Variants in CCND3 observed in about 807,000 individuals in gnomAD.
CCND3 encodes the protein cyclin D3.
A neutral mutation model predicts 28.7 loss-of-function variants in CCND3; 9 were observed. The ratio of observed to expected loss-of-function variants is 0.31; its 90% confidence interval spans 0.19 to 0.55. CCND3 has a LOEUF of 0.55. Among genes scored for constraint, CCND3 ranks in the 20% least tolerant of loss-of-function variants. The pLI is 0.93. For synonymous variants in CCND3, 164 were observed against 163.9 expected (o/e 1.00, Z 0.00); for missense variants, 315 against 385.8 (o/e 0.82, Z 1.54).
intron 1 of CCND3, among the ~76,000 whole-genome samples, chr6:42,023,291 A>T (rs1214756148): frequency 2.0e-5 from 3 of 152,180 alleles, no homozygotes; most frequent in Non-Finnish European, 4.4e-5. Flanking sequence ...CCTAGGGCTG[A>T]CGTGCTGGCG....
At chr6:41,947,890 C>T (rs989257045) in intron 1 of CCND3, among the ~76,000 whole-genome samples, 1 of 152,140 alleles carries the variant, frequency 6.6e-6, no homozygotes, top group African/African-American at 2.4e-5. Flanking sequence ...AGAGGCTCCC[C>T]ATTTCATTTG....
Position 41,935,624 on chromosome 6 carries a change from G to C in CCND3, c.*316C>G, listed in dbSNP as rs1043512985. ...CATGAGAGCCCCCAGGGGTGGGGGG[G>C]GGCGTTCAAAAGGAATGCTGGTGTA... On this transcript the variant is annotated 3_prime_UTR_variant, in exon 5 of 5. Coordinates refer to ENST00000372991, the MANE Select transcript of CCND3 (RefSeq NM_001760.5). 1.3e-4 allele frequency: 61 copies of C among 469,916 alleles called. No individual in the cohort carries two copies. Among genetic ancestry groups the C allele is most frequent in the African/African-American group, 5.8e-5 (3 of 51,616 alleles). 29.1% of individuals were successfully genotyped at this position (469,916 alleles called of 1,614,324 possible).
At chr6:41,964,687 G>A (rs962851428) in intron 1 of CCND3, among the ~76,000 whole-genome samples, 2 of 152,284 alleles carry the variant, frequency 1.3e-5, no homozygotes, top group African/African-American at 4.8e-5. Context: ...GTGCATGACA[G>A]CAGGGTGGCA....
intron 1 of CCND3, among the ~76,000 whole-genome samples, chr6:42,015,672 T>C (rs932113176): frequency 3.3e-5 from 5 of 151,704 alleles, no homozygotes; most frequent in African/African-American, 4.8e-5. Flanking sequence ...ATCACGCCAC[T>C]GCACTCCGGC....
At chr6:42,000,236 T>G (rs1762954862) in intron 1 of CCND3, among the ~76,000 whole-genome samples, 1 of 60,588 alleles carries the variant, frequency 1.7e-5, no homozygotes, top group Non-Finnish European at 3.3e-5. Context: ...AAAACATACT[T>G]TTTTTTTTTT....
In CCND3 at chr6:41,941,090, G is replaced by C; in HGVS notation, c.198+362C>G. 6.5e-7 allele frequency: 1 copy of C among 1,549,036 alleles called. No individual in the cohort carries two copies. The highest frequency in any genetic ancestry group is 2.3e-5 in the East Asian group (1 of 44,212). ...GACACAGGAACCGGCTCCCGGGCGG[G>C]GGCGGCCGAGCCCAGGGTTTTCCAG... On this transcript the variant is annotated intron_variant, in intron 1 of 4. Transcript: ENST00000372991. This position sits in a 1 kb window ranked among gnomAD's most constrained non-coding sequence, Gnocchi z 6.1.
chr6:42,001,370 A>C lies in CCND3; in HGVS notation c.-46+47131T>G, dbSNP rs554663063. 2.0e-5 allele frequency among the ~76,000 whole-genome samples: 3 copies of C among 152,324 alleles called. No homozygotes were observed. The East Asian group carries it at 5.8e-4, about 29-fold the overall frequency. ...AACATCCCAAATGTCTATCAACAAG[A>C]GAATGGATAAACAAATAGTGCATAT... On this transcript the variant is annotated intron_variant, in intron 1 of 4. Transcript: ENST00000372988.
At chr6:42,010,681 G>A (rs1440316445) in intron 1 of CCND3, among the ~76,000 whole-genome samples, 1 of 152,100 alleles carries the variant, frequency 6.6e-6, no homozygotes, top group African/African-American at 2.4e-5. Flanking sequence ...CTGCGGGGTG[G>A]AGCAACTGTC....
chr6:42,048,078 T>C lies in CCND3; in HGVS notation c.-46+423A>G, dbSNP rs1764598480. ...GACACAGAAGAAGCTAAGATCATCA[T>C]CTATGTATCAATCAGACACCACTGA... On this transcript the variant is annotated intron_variant, in intron 1 of 4. Coordinates refer to the CCND3 transcript ENST00000372988. This position sits in a 1 kb window ranked among gnomAD's most constrained non-coding sequence, Gnocchi z 4.7. The C allele has an allele frequency of 6.3e-6, 1 of 158,456 alleles. No individual in the cohort carries two copies. The highest frequency in any genetic ancestry group is 1.4e-5 in the Non-Finnish European group (1 of 71,956). The allele number at this position is 158,456 out of a possible 1,614,324, so 9.8% of individuals were successfully genotyped here.
At chr6:42,049,158 C>A (rs1240231801), upstream of CCND3, among the ~76,000 whole-genome samples, 3 of 152,232 alleles carry the variant, frequency 2.0e-5, no homozygotes, top group Non-Finnish European at 4.4e-5. Flanking sequence ...GCCTCAGCCT[C>A]CCGAGTAGCT....
chr6:42,035,145 A>G (rs1432271400), intron 1 of CCND3, among the ~76,000 whole-genome samples: 19 of 152,220 alleles, frequency 1.2e-4, no homozygotes, highest in Admixed American at 1.2e-3. Context: ...TTCCTGGAGC[A>G]CAGGGCCTAT....
At chr6:42,044,341 C>T (rs1764464673) in intron 1 of CCND3, among the ~76,000 whole-genome samples, 1 of 152,044 alleles carries the variant, frequency 6.6e-6, no homozygotes, top group Non-Finnish European at 1.5e-5. Flanking sequence ...CCCGGCAACA[C>T]TCTTCATTCA....
At chr6:42,037,698 A>G (rs1305857565) in intron 1 of CCND3, among the ~76,000 whole-genome samples, 4 of 152,090 alleles carry the variant, frequency 2.6e-5, no homozygotes, top group Admixed American at 1.3e-4. Flanking sequence ...ATTCCAGGGA[A>G]TGCCATGTCG....
At chr6:41,952,654 G>A (rs1776342242) in intron 1 of CCND3, among the ~76,000 whole-genome samples, 2 of 152,212 alleles carry the variant, frequency 1.3e-5, no homozygotes, top group Non-Finnish European at 2.9e-5. Context: ...TGAGGCTGGT[G>A]CACTCTCGAA....
chr6:42,016,581 TACTA>T (rs572704214), intron 1 of CCND3, among the ~76,000 whole-genome samples: 2 of 40,890 alleles, frequency 4.9e-5, no homozygotes, highest in Non-Finnish European at 1.5e-4. Flanking sequence ...TAGCTGCTAT[TACTA>T]TCTATTACTT....
In CCND3 at chr6:41,941,056, C is replaced by A. The variant is rs566969933; in HGVS notation, c.198+396G>T. 9.4e-6 allele frequency: 15 copies of A among 1,591,832 alleles called. No individual in the cohort carries two copies. The African/African-American group carries it at 1.6e-4, about 17-fold the overall frequency. On this transcript the variant is annotated intron_variant, in intron 1 of 4. Transcript: ENST00000372991. This position sits in a 1 kb window ranked among gnomAD's most constrained non-coding sequence, Gnocchi z 6.1. ...CCCCCATCGCCTTCCCCGCCAGAACCCCGCGAAAGACACAGGAACCGGCTC... is the reference window on the plus strand; with the variant it reads ...CCCCCATCGCCTTCCCCGCCAGAACACCGCGAAAGACACAGGAACCGGCTC...
chr6:41,996,138 A>ATATT (rs1424031677), intron 1 of CCND3, among the ~76,000 whole-genome samples: 1 of 102,432 alleles, frequency 9.8e-6, no homozygotes, highest in African/African-American at 3.0e-5. Flanking sequence ...ATATATATAT[A>ATATT]TTTTTTTTGT....
At chr6:41,961,912 C>T (rs1761729055) in intron 1 of CCND3, among the ~76,000 whole-genome samples, 2 of 152,170 alleles carry the variant, frequency 1.3e-5, no homozygotes, top group South Asian at 4.1e-4. Flanking sequence ...TTCTCAGCTC[C>T]TCCTGCTCCT....
chr6:42,015,380 T>C (rs1763470229), intron 1 of CCND3, among the ~76,000 whole-genome samples: 1 of 152,044 alleles, frequency 6.6e-6, no homozygotes, highest in African/African-American at 2.4e-5. Flanking sequence ...CTCATTCAGG[T>C]CCTGCAACTA....
Sources: gnomAD v4.1 joint callset for allele counts (sites outside exome capture counted in the v4.1 genomes callset) on GRCh38, gnomAD v4.1.1 for gene constraint, Gnocchi (gnomAD v3.1) non-coding constraint, MANE v1.5 for transcripts, NCBI Gene and HGNC (gene_info 2026-07-23, HGNC 2026-07-21) for gene names.